Variants in LGR4 observed in about 807,000 individuals in gnomAD.
LGR4 encodes leucine-rich repeat-containing G protein-coupled receptor 4.
Under a neutral mutation model 84.8 loss-of-function variants are expected in LGR4, and 44 were observed. That is an observed-to-expected ratio of 0.52 (90% CI 0.41 to 0.67). The LOEUF (loss-of-function observed/expected upper bound fraction) is 0.67, where lower values mean the gene tolerates loss of function less well. Among genes scored for constraint, LGR4 ranks in the 30% least tolerant of loss-of-function variants. The probability of loss-of-function intolerance (pLI) is 0.00; values close to 1 mark genes in which losing one functional copy is unlikely to be tolerated. For synonymous variants in LGR4, 429 were observed against 434.3 expected, an observed-to-expected ratio of 0.99 and a Z score of 0.15; for missense variants, 1,032 against 1,131.4, an observed-to-expected ratio of 0.91 and a Z score of 1.26.
At chr11:27,465,052 A>C (rs1864753055) in intron 1 of LGR4, among the ~76,000 whole-genome samples, 1 of 152,224 alleles carries the variant, frequency 6.6e-6, no homozygotes, top group Non-Finnish European at 1.5e-5. Context: ...CATATTAAAT[A>C]TGCTTCCTCT....
intron 11 of LGR4, among the ~76,000 whole-genome samples, chr11:27,378,369 A>T (rs1863029288): frequency 1.3e-5 from 2 of 152,190 alleles, no homozygotes; most frequent in Non-Finnish European, 1.5e-5. Flanking sequence ...GCTGCAGATG[A>T]AAGAAGGAGA....
In LGR4 at chr11:27,472,314, C is replaced by CCTCCCGCGCCGGCCT. The variant is rs1397890411; in HGVS notation, c.-27_-13dup. ...AGCGGGCCCGGCATTGCTGCGGCCGCCTCCCGCGCCGGCCTCTCCCGCGGC... is the reference window on the plus strand; with the variant it reads ...AGCGGGCCCGGCATTGCTGCGGCCGCCTCCCGCGCCGGCCTCTCCCGCGCCGGCCTCTCCCGCGGC... On this transcript the variant is annotated 5_prime_UTR_variant, in exon 1 of 18. Coordinates refer to ENST00000379214, the MANE Select transcript of LGR4 (RefSeq NM_018490.5). The CCTCCCGCGCCGGCCT allele has an allele frequency of 1.2e-4, 139 of 1,198,512 alleles. No homozygotes were observed. Among genetic ancestry groups the CCTCCCGCGCCGGCCT allele is most frequent in the Non-Finnish European group, 1.4e-4 (136 of 966,984 alleles). 74.2% of individuals were successfully genotyped at this position (1,198,512 alleles called of 1,614,324 possible).
chr11:27,422,970 T>A (rs4128868), intron 1 of LGR4, among the ~76,000 whole-genome samples: 1 of 152,040 alleles, frequency 6.6e-6, no homozygotes, highest in African/African-American at 2.4e-5. Flanking sequence ...CTGGGTTCTA[T>A]TGAGTTTTTA....
Position 27,368,149 on chromosome 11 carries a change from G to A in LGR4, c.2574C>T (p.Cys858=), listed in dbSNP as rs750833934. The change falls in exon 18 of 18, where the codon TGC becomes TGT. Residue 858 remains cysteine, a synonymous_variant. Coordinates refer to ENST00000379214, the MANE Select transcript of LGR4 (RefSeq NM_018490.5). Reference sequence around the variant, plus strand: ...TTAAAAGAAACGATTCGCAGCAGTCGCAAACAGTCAGGTTGCCCTGCAAAT... The same window carrying A: ...TTAAAAGAAACGATTCGCAGCAGTCACAAACAGTCAGGTTGCCCTGCAAAT... ...YSHLQGNLTV[C]DCCESFLLTK... is the part of the protein sequence containing the mutation. 4.3e-6 allele frequency: 7 copies of A among 1,614,052 alleles called. No individual in the cohort carries two copies. The highest frequency in any genetic ancestry group is 1.3e-5 in the African/African-American group (1 of 74,922).
At chr11:27,436,787 C>T (rs538346014) in intron 1 of LGR4, among the ~76,000 whole-genome samples, 2 of 152,298 alleles carry the variant, frequency 1.3e-5, no homozygotes, top group East Asian at 1.9e-4. Context: ...TATGTTATTA[C>T]GTACCTATCA....
rs1011076718 is a variant in LGR4 at position 27,371,708 on chromosome 11, T to G, written c.1496-10A>C. On this transcript the variant is annotated splice_polypyrimidine_tract_variant and intron_variant, in intron 16 of 17. Transcript: ENST00000379214. Reference sequence around the variant, plus strand: ...GCTGCATCAGCAGTACCTGAACATATAACACAAAGCATGTTTAATTAAAAC... The same window carrying G: ...GCTGCATCAGCAGTACCTGAACATAGAACACAAAGCATGTTTAATTAAAAC... 2 of 1,590,548 alleles carry G rather than the reference T, an allele frequency of 1.3e-6. No individual in the cohort carries two copies. Among genetic ancestry groups the G allele is most frequent in the East Asian group, 4.5e-5 (2 of 44,764 alleles).
At chr11:27,380,423 C>CGT in intron 9 of LGR4, 84 bp from the exon 10 acceptor site, 1 of 974,044 alleles carries the variant, frequency 1.0e-6, no homozygotes. Context: ...TACAGTGCAA[C>CGT]TATAACTAAA....
rs150747314 is a variant in LGR4, at chr11:27,414,810, T to C, written c.186-1950A>G. 1.6e-3 allele frequency among the ~76,000 whole-genome samples: 243 copies of C among 152,232 alleles called. 5 individuals are homozygous for C. In the East Asian group the frequency reaches 0.045, roughly 28 times the overall value. Reference sequence around the variant, plus strand: ...CTGCCACATAGCCATTGTACGATAGTGGGCCTCCATCTGCTCATCAGTAAA... The same window carrying C: ...CTGCCACATAGCCATTGTACGATAGCGGGCCTCCATCTGCTCATCAGTAAA... On this transcript the variant is annotated intron_variant, in intron 1 of 17. Coordinates refer to ENST00000379214, the MANE Select transcript of LGR4 (RefSeq NM_018490.5).
At chr11:27,392,412 A>C (rs1408305919) in intron 3 of LGR4, 35 bp downstream of exon 3, 1 of 1,490,934 alleles carries the variant, frequency 6.7e-7, no homozygotes, top group Non-Finnish European at 9.1e-7. Flanking sequence ...GAAAATACAC[A>C]GCCAGCTGTG....
At chr11:27,375,977 CTTTT>C (rs1251904788) in intron 13 of LGR4, among the ~76,000 whole-genome samples, 3 of 141,636 alleles carry the variant, frequency 2.1e-5, no homozygotes, top group Non-Finnish European at 1.6e-5. Context: ...CAAATTATAT[CTTTT>C]TTTTTTTTTT....
intron 4 of LGR4, among the ~76,000 whole-genome samples, chr11:27,390,736 G>T (rs752640807): frequency 6.6e-6 from 1 of 152,084 alleles, no homozygotes; most frequent in Non-Finnish European, 1.5e-5. Context: ...ATTACCACAC[G>T]AAACAGAAAC....
intron 1 of LGR4, among the ~76,000 whole-genome samples, chr11:27,458,418 CAT>C (rs1206562934): frequency 2.0e-5 from 3 of 152,030 alleles, no homozygotes; most frequent in African/African-American, 7.2e-5. Context: ...ATGGTGGTCA[CAT>C]GACTGTATAC....
At position 27,380,909 on chromosome 11, in the gene LGR4, T is replaced by C. The variant is rs148368800; in HGVS notation, c.816A>G (p.Pro272=). The change falls in exon 8 of 18, where the codon CCA becomes CCG. Residue 272 remains proline, a synonymous_variant. Transcript: ENST00000379214. The part of the protein sequence containing the change: ...VIPDGAFDGN[P]LLRTIHLYDN... Reference sequence around the variant, plus strand: ...AAAATACTTACATAGTTCTTAAGAGTGGATTACCATCAAATGCTCCATCAG... The same window carrying C: ...AAAATACTTACATAGTTCTTAAGAGCGGATTACCATCAAATGCTCCATCAG... 2 of 1,545,000 alleles carry C rather than the reference T, an allele frequency of 1.3e-6. No homozygotes were observed. Among genetic ancestry groups the C allele is most frequent in the South Asian group, 2.2e-5 (2 of 89,462 alleles).
intron 1 of LGR4, among the ~76,000 whole-genome samples, chr11:27,417,343 TA>T (rs961108735): frequency 4.6e-5 from 7 of 151,618 alleles, no homozygotes; most frequent in Admixed American, 1.3e-4. Flanking sequence ...TAGAAATAAA[TA>T]AAAAAAACTC....
At chr11:27,437,027 A>C (rs1485092312) in intron 1 of LGR4, among the ~76,000 whole-genome samples, 1 of 152,000 alleles carries the variant, frequency 6.6e-6, no homozygotes, top group East Asian at 1.9e-4. Flanking sequence ...CCCCCCTTCC[A>C]TTTTACTTTG....
chr11:27,413,719 C>T (rs1246376124), intron 1 of LGR4, among the ~76,000 whole-genome samples: 3 of 152,060 alleles, frequency 2.0e-5, no homozygotes, highest in Non-Finnish European at 4.4e-5. Flanking sequence ...CTCTCTAGAA[C>T]CTGGCATGAA....
chr11:27,421,561 G>A (rs1444703870), intron 1 of LGR4, among the ~76,000 whole-genome samples: 1 of 152,144 alleles, frequency 6.6e-6, no homozygotes, highest in African/African-American at 2.4e-5. Flanking sequence ...AAAGAGTGAG[G>A]ATAAAACACT....
At chr11:27,409,607 C>G (rs2133395038) in intron 2 of LGR4, among the ~76,000 whole-genome samples, 1 of 152,192 alleles carries the variant, frequency 6.6e-6, no homozygotes, top group Middle Eastern at 3.4e-3. Context: ...TCCTTCAGAA[C>G]AAGTCTAAAT....
chr11:27,387,317 A>G (rs12279450), intron 4 of LGR4, among the ~76,000 whole-genome samples: 5,065 of 152,252 alleles, frequency 0.033, 266 homozygotes, highest in African/African-American at 0.11. Flanking sequence ...ACACGTTACA[A>G]AATGATAACA....
Sources: allele counts gnomAD v4.1 joint callset (sites outside exome capture counted in the v4.1 genomes callset), GRCh38; gene constraint gnomAD v4.1.1; transcripts MANE v1.5; gene names NCBI Gene and HGNC (gene_info 2026-07-23, HGNC 2026-07-21).